IL1RAPL2: variants seen among roughly 807,000 people sequenced by gnomAD.
IL1RAPL2 encodes the protein X-linked interleukin-1 receptor accessory protein-like 2.
Under a neutral mutation model 44.1 loss-of-function variants are expected in IL1RAPL2, and 3 were observed. The observed-to-expected ratio is 0.07, with a 90% CI of 0.03 to 0.18. IL1RAPL2 has a LOEUF of 0.18. Among genes scored for constraint, IL1RAPL2 ranks in the 10% least tolerant of loss-of-function variants. The probability of loss-of-function intolerance (pLI) is 1.00; values close to 1 mark genes in which losing one functional copy is unlikely to be tolerated. For synonymous variants in IL1RAPL2, 181 were observed against 178.8 expected (o/e 1.01, Z -0.10); for missense variants, 391 against 496.4 (o/e 0.79, Z 2.02).
chrX:104,824,593 C>G (rs1489393236), intron 2 of IL1RAPL2, among the ~76,000 whole-genome samples: 2 of 111,908 alleles, frequency 1.8e-5, no homozygotes, highest in Non-Finnish European at 1.9e-5. Context: ...AGGGTTTTGA[C>G]TTCTTCCTGG....
intron 2 of IL1RAPL2, among the ~76,000 whole-genome samples, chrX:105,026,775 T>A (rs2031380181): frequency 9.0e-6 from 1 of 110,545 alleles, no homozygotes; most frequent in African/African-American, 3.3e-5. Flanking sequence ...CAAAGCAATA[T>A]ACAGATTAAA....
chrX:105,232,711 GTTAGA>G (rs1300460961), intron 3 of IL1RAPL2, among the ~76,000 whole-genome samples: 4 of 112,174 alleles, frequency 3.6e-5, no homozygotes, highest in Non-Finnish European at 7.5e-5. Context: ...ATTGTAGTTA[GTTAGA>G]TTAATTAAAT....
chrX:105,739,569 A>G (rs2038480360), intron 7 of IL1RAPL2, among the ~76,000 whole-genome samples: 2 of 94,756 alleles, frequency 2.1e-5, no homozygotes, highest in Non-Finnish European at 4.1e-5. Context: ...TCATTGTTCA[A>G]TTCCCACCTA....
chrX:104,761,845 T>TCTCCTTCTCCTTCTC, intron 2 of IL1RAPL2, among the ~76,000 whole-genome samples: 1 of 53,932 alleles, frequency 1.9e-5, no homozygotes, highest in Non-Finnish European at 3.6e-5. Flanking sequence ...TCCTTCTCCT[T>TCTCCTTCTCCTTCTC]CTTCTCCTTC....
intron 6 of IL1RAPL2, among the ~76,000 whole-genome samples, chrX:105,597,362 A>G (rs889256823): frequency 8.9e-6 from 1 of 111,906 alleles, no homozygotes; most frequent in Admixed American, 9.5e-5. Flanking sequence ...GCATTGCTGT[A>G]AAGAAATACC....
chrX:105,472,329 G>A (rs1029778544), intron 5 of IL1RAPL2, among the ~76,000 whole-genome samples: 1 of 111,533 alleles, frequency 9.0e-6, no homozygotes, highest in African/African-American at 3.3e-5. Flanking sequence ...CAGAGAAAAT[G>A]GGGCCATCAA....
At chrX:105,368,989 T>A (rs936671460) in intron 5 of IL1RAPL2, among the ~76,000 whole-genome samples, 1 of 109,319 alleles carries the variant, frequency 9.1e-6, no homozygotes, top group South Asian at 3.9e-4. Context: ...TTTCATTTAG[T>A]TAATATATTC....
chrX:104,892,285 G>A lies in IL1RAPL2; in HGVS notation c.82+233290G>A, dbSNP rs368714694. Reference sequence around the variant, plus strand: ...TTTTGTTGTGTCTCTGTCAGGCTTTGGTATCAGGATGATACTGGCCTCATA... The same window carrying A: ...TTTTGTTGTGTCTCTGTCAGGCTTTAGTATCAGGATGATACTGGCCTCATA... On this transcript the variant is annotated intron_variant, in intron 2 of 10. Coordinates refer to ENST00000372582, the MANE Select transcript of IL1RAPL2 (RefSeq NM_017416.2). 2.7e-5 allele frequency among the ~76,000 whole-genome samples: 3 copies of A among 111,491 alleles called. No homozygotes were observed. In the East Asian group the frequency reaches 8.5e-4, roughly 32 times the overall value.
intron 2 of IL1RAPL2, among the ~76,000 whole-genome samples, chrX:104,974,031 A>G (rs2030286908): frequency 8.9e-6 from 1 of 111,928 alleles, no homozygotes; most frequent in Non-Finnish European, 1.9e-5. Context: ...AGTAAAGAAT[A>G]CATTTCTTTG....
intron 3 of IL1RAPL2, chrX:105,220,132 C>A (rs2147626189): frequency 8.3e-7 from 1 of 1,211,760 alleles, no homozygotes; most frequent in East Asian, 3.0e-5. Context: ...CCACCGCACC[C>A]TGTGCCTTTG....
chrX:105,235,267 C>G lies in IL1RAPL2; in HGVS notation c.543+1263C>G, dbSNP rs2034110426. 4.5e-5 allele frequency among the ~76,000 whole-genome samples: 5 copies of G among 111,861 alleles called. No individual in the cohort carries two copies. The Admixed American group carries it at 4.7e-4, about 11-fold the overall frequency. ...CCTTCCAGCTATGATATTCTAGCAG[C>G]TAACCTGGGGCCCACGGTCTTGTAA... is the stretch of plus-strand genomic sequence containing the variant. On this transcript the variant is annotated intron_variant, in intron 4 of 10. Transcript: ENST00000372582.
chrX:104,899,602 G>A (rs918493021), intron 2 of IL1RAPL2, among the ~76,000 whole-genome samples: 12 of 111,525 alleles, frequency 1.1e-4, no homozygotes, highest in African/African-American at 3.9e-4. Context: ...ACACATAATT[G>A]TGTGCTCTTT....
intron 4 of IL1RAPL2, among the ~76,000 whole-genome samples, chrX:105,261,472 CTGT>C (rs1291899163): frequency 1.9e-5 from 2 of 105,433 alleles, no homozygotes; most frequent in African/African-American, 8.0e-5. Context: ...TCTCTTCAGG[CTGT>C]TTTTTTGTTT....
intron 6 of IL1RAPL2, among the ~76,000 whole-genome samples, chrX:105,630,977 A>C (rs1461561832): frequency 9.0e-6 from 1 of 111,144 alleles, no homozygotes; most frequent in Non-Finnish European, 1.9e-5. Context: ...TGATTATATA[A>C]TAACTTGAGG....
chrX:104,597,250 A>G (rs1359110839), intron 1 of IL1RAPL2, among the ~76,000 whole-genome samples: 1 of 108,489 alleles, frequency 9.2e-6, no homozygotes, highest in Non-Finnish European at 1.9e-5. Flanking sequence ...AAGCTGAGGC[A>G]GGAGAATTGC....
chrX:105,281,369 C>T (rs781689206), intron 5 of IL1RAPL2, among the ~76,000 whole-genome samples: 3 of 111,158 alleles, frequency 2.7e-5, no homozygotes, highest in Non-Finnish European at 5.7e-5. Flanking sequence ...AGGTGTATAC[C>T]TATGTAACAA....
intron 2 of IL1RAPL2, among the ~76,000 whole-genome samples, chrX:104,745,078 C>T (rs940687511): frequency 3.6e-5 from 4 of 110,415 alleles, no homozygotes; most frequent in Non-Finnish European, 7.6e-5. Context: ...TCTGTCATTC[C>T]ATTTTACCAA....
At chrX:104,835,688 C>G (rs1043051015) in intron 2 of IL1RAPL2, among the ~76,000 whole-genome samples, 3 of 112,199 alleles carry the variant, frequency 2.7e-5, no homozygotes, top group Non-Finnish European at 5.6e-5. Flanking sequence ...AATACTGGCA[C>G]CACTGATACA....
intron 6 of IL1RAPL2, among the ~76,000 whole-genome samples, chrX:105,622,142 T>G (rs912577453): frequency 9.1e-5 from 10 of 110,107 alleles, no homozygotes; most frequent in Non-Finnish European, 1.9e-4. Context: ...CATACGACAA[T>G]TATACCAAAT....
Sources: allele counts gnomAD v4.1 joint callset (sites outside exome capture counted in the v4.1 genomes callset), GRCh38; gene constraint gnomAD v4.1.1; transcripts MANE v1.5; gene names NCBI Gene and HGNC (gene_info 2026-07-23, HGNC 2026-07-21).